MCM3: variants seen among roughly 807,000 people sequenced by gnomAD.
MCM3 encodes minichromosome maintenance complex component 3, also known as DNA replication licensing factor MCM3.
In MCM3, 59 loss-of-function variants were observed where a neutral mutation model predicts 91.3. The observed-to-expected ratio is 0.65, with a 90% confidence interval of 0.52 to 0.80. The LOEUF (loss-of-function observed/expected upper bound fraction) is 0.80. Among genes scored for constraint, MCM3 ranks in the 30% least tolerant of loss-of-function variants. The pLI is 0.00. For synonymous variants in MCM3, 383 were observed against 379.6 expected, an observed-to-expected ratio of 1.01 and a Z score of -0.10; for missense variants, 919 against 1,035.4, an observed-to-expected ratio of 0.89 and a Z score of 1.54.
chr6:52,267,106 T>C (rs1278482733), intron 14 of MCM3, among the ~76,000 whole-genome samples: 1 of 144,868 alleles, frequency 6.9e-6, no homozygotes, highest in Non-Finnish European at 1.5e-5. Context: ...CTTTTTTTTT[T>C]TTTTTTGAGA....
chr6:52,276,190 A>T, intron 9 of MCM3, 78 bp downstream of exon 9: 1 of 1,334,988 alleles, frequency 7.5e-7, no homozygotes, highest in Non-Finnish European at 1.0e-6. Context: ...TGGGTCACCT[A>T]GAATACACTT....
Position 52,282,103 on chromosome 6 carries a change from C to T in MCM3, c.473G>A (p.Arg158His), listed in dbSNP as rs542812385. Reference sequence around the variant, plus strand: ...CACCAGGGTGGTGAGATCAGAATAACGTCGCTCTATGGTCTTCTTAGTAGC... The same window carrying T: ...CACCAGGGTGGTGAGATCAGAATAATGTCGCTCTATGGTCTTCTTAGTAGC... Reference protein sequence around the residue: ...CPATKKTIERRYSDLTTLVAF... With the variant: ...CPATKKTIERHYSDLTTLVAF... Residue 158 changes from arginine to histidine, a missense_variant, in exon 4 of 17, where the codon CGT becomes CAT. Arg to His is a conservative substitution (Grantham distance 29). This residue lies in a region of MCM3 where 401 missense variants were observed against 402.7 expected (regional missense o/e 1.00). Coordinates refer to ENST00000596288, the MANE Select transcript of MCM3 (RefSeq NM_002388.6). 1.2e-5 allele frequency: 20 copies of T among 1,614,032 alleles called. No homozygotes were observed. In the African/African-American group the frequency reaches 1.9e-4, roughly 15 times the overall value.
intron 14 of MCM3, 31 bp from the exon 15 acceptor site, chr6:52,266,727 AAG>A: frequency 6.4e-7 from 1 of 1,574,572 alleles, no homozygotes; most frequent in Non-Finnish European, 8.7e-7. Flanking sequence ...AAGAGAGAGA[AAG>A]AGTTTGGAGA....
chr6:52,268,119 C>A, intron 13 of MCM3, 151 bp from the exon 14 acceptor site: 1 of 1,023,280 alleles, frequency 9.8e-7, no homozygotes, highest in Non-Finnish European at 1.5e-6. Context: ...AGTCCCAGGA[C>A]CAGGGGCAGA....
rs904106192 is a variant in MCM3 at position 52,277,216 on chromosome 6, T to G, written c.1034-18A>C. The G allele has an allele frequency of 1.9e-6, 3 of 1,608,684 alleles. No homozygotes were observed. The highest frequency in any genetic ancestry group is 2.7e-5 in the African/African-American group (2 of 74,784). Reference sequence around the variant, plus strand: ...TGGGTCTCCTGTAGGGTGGGGGCAGTGATGACTCTCTAGGAAACTCCCCAG... The same window carrying G: ...TGGGTCTCCTGTAGGGTGGGGGCAGGGATGACTCTCTAGGAAACTCCCCAG... On this transcript the variant is annotated intron_variant, in intron 7 of 16. Transcript: ENST00000596288.
chr6:52,272,191 C>A, intron 12 of MCM3, 110 bp downstream of exon 12: 2 of 1,172,786 alleles, frequency 1.7e-6, no homozygotes, highest in Admixed American at 2.4e-5. Context: ...CCCTTCAGAC[C>A]AGGAAAAAAG....
intron 13 of MCM3, 95 bp from the exon 14 acceptor site, chr6:52,268,063 A>C: frequency 6.4e-7 from 1 of 1,567,792 alleles, no homozygotes; most frequent in Non-Finnish European, 8.8e-7. Context: ...ATAAGCAGGA[A>C]AGACTTCCAT....
intron 16 of MCM3, 118 bp downstream of exon 16, chr6:52,265,957 T>C (rs1226254018): frequency 1.4e-6 from 1 of 727,496 alleles, no homozygotes; most frequent in African/African-American, 1.8e-5. Context: ...TGCAGGCCTC[T>C]AGTTTTGAGT....
Position 52,278,769 on chromosome 6 carries a change from G to C in MCM3, c.852C>G (p.Ile284Met). 1.9e-6 allele frequency: 3 copies of C among 1,613,462 alleles called. No homozygotes were observed. The highest frequency in any genetic ancestry group is 1.7e-6 in the Non-Finnish European group (2 of 1,179,660). Residue 284 changes from isoleucine to methionine, a missense_variant, in exon 6 of 17, where the codon ATC (isoleucine) becomes ATG (methionine). Ile to Met is a conservative substitution (Grantham distance 10). Around this residue, in one of 3 missense-constraint regions of MCM3, gnomAD observed 401 missense variants for 402.7 expected, o/e 1.00. Coordinates refer to ENST00000596288, the MANE Select transcript of MCM3 (RefSeq NM_002388.6). Reference sequence around the variant, plus strand: ...TGGATCGGGTTTTACTGAACTTCTTGATCTTGGCTATATCCTCAGCAGAGA... The same window carrying C: ...TGGATCGGGTTTTACTGAACTTCTTCATCTTGGCTATATCCTCAGCAGAGA... ...PSFSAEDIAK[I>M]KKFSKTRSKD... is the part of the protein sequence containing the mutation.
At position 52,269,110 on chromosome 6, in the gene MCM3, C is replaced by T. The variant is rs748338114; in HGVS notation, c.1944G>A (p.Leu648=). The T allele has an allele frequency of 1.2e-6, 2 of 1,613,782 alleles. No individual in the cohort carries two copies. Among genetic ancestry groups the T allele is most frequent in the Non-Finnish European group, 1.7e-6 (2 of 1,179,748 alleles). Residue 648 remains leucine, a synonymous_variant, in exon 13 of 17, where the codon TTG becomes TTA. Coordinates refer to ENST00000596288, the MANE Select transcript of MCM3 (RefSeq NM_002388.6). The part of the protein sequence containing the change: ...DLQDAEEAVE[L]VQYAYFKKVL... ...CCTTCTTAAAGTAAGCATACTGGACCAACTCCACAGCTTCCTCTGCATCCT... is the reference window on the plus strand; with the variant it reads ...CCTTCTTAAAGTAAGCATACTGGACTAACTCCACAGCTTCCTCTGCATCCT...
chr6:52,273,594 G>A, intron 10 of MCM3, 148 bp downstream of exon 10: 2 of 839,028 alleles, frequency 2.4e-6, no homozygotes, highest in Non-Finnish European at 3.7e-6. Flanking sequence ...CCTCCACTAA[G>A]CAAGAAGGGG....
rs1581720769 is a variant in MCM3 at position 52,272,512 on chromosome 6, T to C, written c.1677-61A>G. Reference sequence around the variant, plus strand: ...ACACCTTACCACCTGCCTGGATTAGTGGCTTTGCCTCTCAGAAAAGCCAGG... The same window carrying C: ...ACACCTTACCACCTGCCTGGATTAGCGGCTTTGCCTCTCAGAAAAGCCAGG... On this transcript the variant is annotated intron_variant, in intron 11 of 16. Transcript: ENST00000596288. 5 of 1,599,796 alleles carry C rather than the reference T, an allele frequency of 3.1e-6. No homozygotes were observed. In the South Asian group the frequency reaches 4.4e-5, roughly 14 times the overall value.
intron 1 of MCM3, among the ~76,000 whole-genome samples, chr6:52,284,083 G>C (rs1269016191): frequency 6.6e-6 from 1 of 152,032 alleles, no homozygotes; most frequent in Non-Finnish European, 1.5e-5. Context: ...TTTAAGTCTT[G>C]GGTTGCACAT....
chr6:52,283,257 T>C (rs201868155), intron 2 of MCM3, 37 bp downstream of exon 2: 1 of 1,552,644 alleles, frequency 6.4e-7, no homozygotes, highest in African/African-American at 1.4e-5. Context: ...AAGGGAGCCA[T>C]TCTCACTGAC....
chr6:52,274,060 T>G (rs999955811), intron 9 of MCM3, 144 bp from the exon 10 acceptor site: 2 of 614,096 alleles, frequency 3.3e-6, no homozygotes, highest in Non-Finnish European at 5.6e-6. Context: ...GGGAAGTGTT[T>G]TAAAGCCATT....
intron 12 of MCM3, 111 bp from the exon 13 acceptor site, chr6:52,269,337 C>A (rs1439563984): frequency 3.0e-6 from 3 of 1,011,358 alleles, no homozygotes; most frequent in Admixed American, 2.4e-5. Context: ...GAGGCCCAAG[C>A]AAAGAATTCA....
chr6:52,281,773 T>G (rs946540810), intron 4 of MCM3, among the ~76,000 whole-genome samples: 1 of 152,052 alleles, frequency 6.6e-6, no homozygotes, highest in Admixed American at 6.6e-5. Flanking sequence ...GTTTGCAAAT[T>G]TAGTGCACCA....
chr6:52,283,093 G>C (rs984877971), intron 2 of MCM3, among the ~76,000 whole-genome samples: 2 of 150,688 alleles, frequency 1.3e-5, no homozygotes, highest in African/African-American at 4.9e-5. Context: ...GCTAAACATT[G>C]GAAGGAGGGG....
chr6:52,276,616 G>C, intron 8 of MCM3, 140 bp from the exon 9 acceptor site: 1 of 702,284 alleles, frequency 1.4e-6, no homozygotes, highest in Admixed American at 2.9e-5. Context: ...GAGAAACTTA[G>C]AGGAAACCCT....
Sources: gnomAD v4.1 joint callset for allele counts (sites outside exome capture counted in the v4.1 genomes callset) on GRCh38, gnomAD v4.1.1 for gene constraint, gnomAD v4.1.1 regional missense constraint, MANE v1.5 for transcripts, NCBI Gene and HGNC (gene_info 2026-07-23, HGNC 2026-07-21) for gene names.